PDE1C: variants seen among roughly 807,000 people sequenced by gnomAD.
PDE1C encodes the protein dual specificity calcium/calmodulin-dependent 3',5'-cyclic nucleotide phosphodiesterase 1C.
A neutral mutation model predicts 93.1 loss-of-function variants in PDE1C; 62 were observed. The observed-to-expected ratio is 0.67, with a 90% CI of 0.54 to 0.82. The LOEUF (loss-of-function observed/expected upper bound fraction) is 0.82, where lower values mean the gene tolerates loss of function less well. Ranked by LOEUF, PDE1C falls within the 40% of genes least tolerant of loss-of-function variation. The pLI is 0.00. For missense variants in PDE1C, 742 were observed against 884.6 expected (o/e 0.84, Z 2.04); for synonymous variants, 325 against 310.1 (o/e 1.05, Z -0.50).
chr7:32,190,345 G>A (rs1436612861), intron 2 of PDE1C, among the ~76,000 whole-genome samples: 8 of 152,134 alleles, frequency 5.3e-5, no homozygotes, highest in South Asian at 4.1e-4. Context: ...GCTTAGCCAC[G>A]GCCTAATGCA....
At chr7:31,999,331 C>T (rs1033663969) in intron 2 of PDE1C, among the ~76,000 whole-genome samples, 1 of 152,158 alleles carries the variant, frequency 6.6e-6, no homozygotes, top group African/African-American at 2.4e-5. Context: ...AAGAACATAT[C>T]ACAGGTTGCA....
At chr7:31,939,217 A>G (rs1317477005) in intron 2 of PDE1C, among the ~76,000 whole-genome samples, 2 of 151,266 alleles carry the variant, frequency 1.3e-5, no homozygotes, top group East Asian at 3.9e-4. Context: ...AGAGAGAGAG[A>G]CAGAAGAAGA....
At chr7:32,402,865 G>A (rs192789968) in intron 1 of PDE1C, among the ~76,000 whole-genome samples, 127 of 152,340 alleles carry the variant, frequency 8.3e-4, no homozygotes, top group Non-Finnish European at 8.8e-5. Context: ...CAGGATAAGA[G>A]TTAAAGAAAG....
At chr7:32,336,241 T>C (rs947105401) in intron 1 of PDE1C, among the ~76,000 whole-genome samples, 3 of 152,290 alleles carry the variant, frequency 2.0e-5, no homozygotes, top group South Asian at 2.1e-4. Flanking sequence ...CACTCCTCTA[T>C]AGCAGGCAAC....
At chr7:32,164,269 G>A (rs766786027) in intron 3 of PDE1C, among the ~76,000 whole-genome samples, 2 of 152,182 alleles carry the variant, frequency 1.3e-5, no homozygotes, top group Non-Finnish European at 2.9e-5. Context: ...TCCAAAAAGG[G>A]TAGGTGGATT....
chr7:32,070,292 C>T lies in PDE1C; in HGVS notation c.101+1G>A. On this transcript the variant is annotated splice_donor_variant, in intron 1 of 17. Coordinates refer to ENST00000396191, the MANE Select transcript of PDE1C (RefSeq NM_001191057.4). LOFTEE classifies it high-confidence loss of function. ...CAGGAGAAGTAAATAGGTATACTTACAGCCCGCGGAGCCGAAGCCAGATTT... is the reference window on the plus strand; with the variant it reads ...CAGGAGAAGTAAATAGGTATACTTATAGCCCGCGGAGCCGAAGCCAGATTT... 1.2e-6 allele frequency: 2 copies of T among 1,614,146 alleles called. No individual in the cohort carries two copies. The highest frequency in any genetic ancestry group is 1.7e-6 in the Non-Finnish European group (2 of 1,180,016).
chr7:32,233,065 T>C (rs925657507), intron 1 of PDE1C, among the ~76,000 whole-genome samples: 1 of 152,060 alleles, frequency 6.6e-6, no homozygotes, highest in African/African-American at 2.4e-5. Flanking sequence ...TTAACAGACA[T>C]CAACGTTGAG....
the PDE1C span, among the ~76,000 whole-genome samples, chr7:31,732,636 T>TTGTGTGTGTG: frequency 9.2e-3 from 945 of 103,170 alleles, 25 homozygotes; most frequent in East Asian, 0.017. Flanking sequence ...TCTCCTCTCT[T>TTGTGTGTGTG]TCTGTGTGTG....
At chr7:32,120,864 T>A (rs1473539722) in intron 3 of PDE1C, among the ~76,000 whole-genome samples, 1 of 152,140 alleles carries the variant, frequency 6.6e-6, no homozygotes, top group Non-Finnish European at 1.5e-5. Flanking sequence ...GGTTCAGAGC[T>A]GAACTGGGGA....
intron 2 of PDE1C, among the ~76,000 whole-genome samples, chr7:32,202,952 A>G (rs1349323814): frequency 2.6e-5 from 4 of 152,104 alleles, no homozygotes; most frequent in Non-Finnish European, 1.5e-5. Context: ...TTCATCTTAC[A>G]TAATAGAAAC....
chr7:32,246,290 G>C (rs1466521314), intron 1 of PDE1C, among the ~76,000 whole-genome samples: 1 of 152,034 alleles, frequency 6.6e-6, no homozygotes, highest in Non-Finnish European at 1.5e-5. Flanking sequence ...GAATTTTGAG[G>C]GGCCATAAAC....
At chr7:31,704,311 T>C in the PDE1C span, among the ~76,000 whole-genome samples, 1 of 152,138 alleles carries the variant, frequency 6.6e-6, no homozygotes. Flanking sequence ...CGCAATGTAA[T>C]GTGCATGAAC....
intron 3 of PDE1C, among the ~76,000 whole-genome samples, chr7:32,099,030 T>A (rs1205129547): frequency 2.0e-5 from 3 of 152,182 alleles, no homozygotes; most frequent in African/African-American, 7.2e-5. Flanking sequence ...GTTATATATA[T>A]TTTGCCACAT....
intron 9 of PDE1C, among the ~76,000 whole-genome samples, chr7:31,841,767 A>C (rs1356975294): frequency 6.6e-6 from 1 of 152,152 alleles, no homozygotes; most frequent in Non-Finnish European, 1.5e-5. Context: ...GAGATTTATT[A>C]TGAGGAAGTG....
chr7:32,389,157 C>CGTACGTGTGTGTGTGT lies in PDE1C; in HGVS notation c.310+38664_310+38665insACACACACACACGTAC. Among the ~76,000 whole-genome samples, 3 of 135,782 alleles carry CGTACGTGTGTGTGTGT rather than the reference C, an allele frequency of 2.2e-5. No individual in the cohort carries two copies. The East Asian group carries it at 6.6e-4, about 30-fold the overall frequency. 89.1% of individuals were successfully genotyped at this position (135,782 alleles called of 152,430 possible). A position where few individuals can be genotyped will look rare whatever the true frequency, so the allele number is the denominator to read the frequency against. On this transcript the variant is annotated intron_variant, in intron 1 of 1. Transcript: ENST00000672256. ...GAACAACCTTTAAACTGATAGCTGA[C>CGTACGTGTGTGTGTGT]GTGTGTGTGTGTGTGTGTGTGTGTG...
chr7:31,914,706 T>A (rs561424973), intron 2 of PDE1C, among the ~76,000 whole-genome samples: 1 of 152,218 alleles, frequency 6.6e-6, no homozygotes, highest in South Asian at 2.1e-4. Flanking sequence ...AAGATACCCA[T>A]GCCACACAGA....
At chr7:31,815,654 C>G (rs1788148368) in intron 15 of PDE1C, among the ~76,000 whole-genome samples, 1 of 146,372 alleles carries the variant, frequency 6.8e-6, no homozygotes, top group South Asian at 2.2e-4. Context: ...TTTCCCCCAG[C>G]TGGCAGGCAG....
intron 16 of PDE1C, among the ~76,000 whole-genome samples, chr7:31,805,771 C>T (rs1786744871): frequency 6.6e-6 from 1 of 151,876 alleles, no homozygotes; most frequent in Non-Finnish European, 1.5e-5. Context: ...TTTTATCCAA[C>T]TTCTTAACTC....
At chr7:31,670,864 G>A in the PDE1C span, among the ~76,000 whole-genome samples, 17,758 of 152,176 alleles carry the variant, frequency 0.12, 1,197 homozygotes, top group Middle Eastern at 0.15. Flanking sequence ...ACTGGCAGCA[G>A]AGAGGAGAAG....
Sources: allele counts gnomAD v4.1 joint callset (sites outside exome capture counted in the v4.1 genomes callset), GRCh38; gene constraint gnomAD v4.1.1; transcripts MANE v1.5; gene names NCBI Gene and HGNC (gene_info 2026-07-23, HGNC 2026-07-21).